SORCS2: variants seen among roughly 807,000 people sequenced by gnomAD.
The protein encoded by SORCS2 is sortilin related VPS10 domain containing receptor 2.
In SORCS2, 100 loss-of-function variants were observed where a neutral mutation model predicts 141.6. That is an observed-to-expected ratio of 0.71 (90% CI 0.60 to 0.83). SORCS2 has a LOEUF of 0.83. Ranked by LOEUF, SORCS2 falls within the 40% of genes least tolerant of loss-of-function variation. The probability of loss-of-function intolerance (pLI) is 0.00; values close to 1 mark genes in which losing one functional copy is unlikely to be tolerated. For synonymous variants in SORCS2, 789 were observed against 676.9 expected (o/e 1.17, Z -2.57); for missense variants, 1,646 against 1,560.2 (o/e 1.05, Z -0.93).
chr4:7,267,612 C>T (rs1714836517), intron 1 of SORCS2, among the ~76,000 whole-genome samples: 1 of 152,182 alleles, frequency 6.6e-6, no homozygotes, highest in Non-Finnish European at 1.5e-5. Flanking sequence ...AGGCAGATCA[C>T]CCGAGGTCAG....
Position 7,457,932 on chromosome 4 carries a change from G to T in SORCS2, c.548+61577G>T, listed in dbSNP as rs866777889. On this transcript the variant is annotated intron_variant, in intron 2 of 26. Transcript: ENST00000507866. ...GCGGGGGTGTCCACACCACTAGCCC[G>T]AGAGGCTGCGGGGCAGGGACGTCCA... Among the ~76,000 whole-genome samples, 9 of 152,080 alleles carry T rather than the reference G, an allele frequency of 5.9e-5. No individual in the cohort carries two copies. In the East Asian group the frequency reaches 7.7e-4, roughly 13 times the overall value.
intron 1 of SORCS2, among the ~76,000 whole-genome samples, chr4:7,247,071 G>A (rs987169393): frequency 6.6e-6 from 1 of 152,204 alleles, no homozygotes; most frequent in African/African-American, 2.4e-5. Flanking sequence ...CCAGTGAGAT[G>A]TTTGGTGAGG....
intron 1 of SORCS2, among the ~76,000 whole-genome samples, chr4:7,386,450 C>G: frequency 1.1e-5 from 1 of 92,394 alleles, no homozygotes; most frequent in Non-Finnish European, 2.2e-5. Flanking sequence ...CAGAGATACA[C>G]ATGTGCACGC....
intron 8 of SORCS2, among the ~76,000 whole-genome samples, chr4:7,674,590 A>C (rs1219288162): frequency 2.7e-5 from 4 of 147,126 alleles, no homozygotes; most frequent in African/African-American, 1.0e-4. Context: ...AAAAAAAAAA[A>C]AAAAAAAAAA....
intron 1 of SORCS2, among the ~76,000 whole-genome samples, chr4:7,393,013 T>C (rs559940795): frequency 6.6e-6 from 1 of 152,118 alleles, no homozygotes; most frequent in South Asian, 2.1e-4. Flanking sequence ...GACATGGCTT[T>C]GGGAGAATAG....
chr4:7,456,933 G>T (rs1728949522), intron 2 of SORCS2, among the ~76,000 whole-genome samples: 1 of 151,890 alleles, frequency 6.6e-6, no homozygotes, highest in Non-Finnish European at 1.5e-5. Context: ...TTTCACCCCT[G>T]GTTGGGTGCA....
At chr4:7,257,503 G>C (rs961186111) in intron 1 of SORCS2, among the ~76,000 whole-genome samples, 1 of 152,036 alleles carries the variant, frequency 6.6e-6, no homozygotes, top group Admixed American at 6.5e-5. Context: ...CAGGGAGCCC[G>C]GCCAAGATTC....
At chr4:7,246,388 G>A (rs919873645) in intron 1 of SORCS2, among the ~76,000 whole-genome samples, 1 of 151,646 alleles carries the variant, frequency 6.6e-6, no homozygotes, top group Admixed American at 6.6e-5. Context: ...TGAACCCGCA[G>A]ATCTCACCCG....
chr4:7,324,281 GCAGGTGGCTGCAGGGAGCTGAGA>G (rs1160283044), intron 1 of SORCS2, among the ~76,000 whole-genome samples: 1 of 152,238 alleles, frequency 6.6e-6, no homozygotes, highest in Non-Finnish European at 1.5e-5. Context: ...TGGTGGTGAG[GCAGGTGGCTGCAGGGAGCTGAGA>G]CAGGGCTGCA....
At chr4:7,198,447 T>A (rs1299797414) in intron 1 of SORCS2, among the ~76,000 whole-genome samples, 1 of 152,212 alleles carries the variant, frequency 6.6e-6, no homozygotes, top group East Asian at 1.9e-4. Flanking sequence ...CTGAACTTGC[T>A]GTGCGTTACT....
chr4:7,725,960 G>C (rs1384772584), intron 20 of SORCS2, among the ~76,000 whole-genome samples: 1 of 152,228 alleles, frequency 6.6e-6, no homozygotes, highest in Non-Finnish European at 1.5e-5. Flanking sequence ...TCAGGGTCTG[G>C]GTTCAGGCCT....
At chr4:7,458,107 C>T (rs55756676) in intron 2 of SORCS2, among the ~76,000 whole-genome samples, 1 of 151,836 alleles carries the variant, frequency 6.6e-6, no homozygotes, top group Non-Finnish European at 1.5e-5. Flanking sequence ...AGTACTTCTG[C>T]GAAAAGTTTG....
At chr4:7,373,478 A>ATTTTTTTTTT (rs71173496) in intron 1 of SORCS2, among the ~76,000 whole-genome samples, 25 of 36,816 alleles carry the variant, frequency 6.8e-4, no homozygotes, top group East Asian at 2.2e-3. Flanking sequence ...ATATATATAT[A>ATTTTTTTTTT]TTTTTTTTTT....
chr4:7,532,440 G>A (rs1711741608), intron 3 of SORCS2, among the ~76,000 whole-genome samples: 2 of 152,254 alleles, frequency 1.3e-5, no homozygotes, highest in Admixed American at 1.3e-4. Flanking sequence ...TGCTCGGCAT[G>A]AGGTGGGCAC....
At chr4:7,642,858 C>A (rs1320271248) in intron 4 of SORCS2, among the ~76,000 whole-genome samples, 1 of 152,164 alleles carries the variant, frequency 6.6e-6, no homozygotes, top group Non-Finnish European at 1.5e-5. Flanking sequence ...GGGGCAGAGG[C>A]TCCAGGGGTT....
At chr4:7,504,182 A>G (rs531036614) in intron 2 of SORCS2, among the ~76,000 whole-genome samples, 5 of 152,274 alleles carry the variant, frequency 3.3e-5, no homozygotes, top group African/African-American at 1.2e-4. Flanking sequence ...TGGGAATCAC[A>G]CACCGGGATC....
chr4:7,366,626 C>T (rs1360969958), intron 1 of SORCS2, among the ~76,000 whole-genome samples: 3 of 152,080 alleles, frequency 2.0e-5, no homozygotes, highest in Non-Finnish European at 4.4e-5. Context: ...CTCCTCCAGC[C>T]TCCCATGCAG....
In SORCS2 at chr4:7,315,175, A is replaced by G. The variant is rs540693581; in HGVS notation, c.481-81113A>G. Among the ~76,000 whole-genome samples, 5 of 152,030 alleles carry G rather than the reference A, an allele frequency of 3.3e-5. No homozygotes were observed. The South Asian group carries it at 8.3e-4, about 25-fold the overall frequency. ...TGTAGCTCTCCCCTCCACTGTGGAG[A>G]GCCCTGAGCTTCGAGTGAGCCTCCC... is the stretch of plus-strand genomic sequence containing the variant. On this transcript the variant is annotated intron_variant, in intron 1 of 26. Coordinates refer to ENST00000507866, the MANE Select transcript of SORCS2 (RefSeq NM_020777.3).
intron 2 of SORCS2, among the ~76,000 whole-genome samples, chr4:7,419,074 A>G (rs1037989065): frequency 6.6e-6 from 1 of 152,224 alleles, no homozygotes; most frequent in African/African-American, 2.4e-5. Context: ...GCAAATCACA[A>G]AGATTGACCT....
Sources: allele counts gnomAD v4.1 joint callset (sites outside exome capture counted in the v4.1 genomes callset), GRCh38; gene constraint gnomAD v4.1.1; transcripts MANE v1.5; gene names NCBI Gene and HGNC (gene_info 2026-07-23, HGNC 2026-07-21).